Variants in BCAS3 observed in about 807,000 individuals in gnomAD.
BCAS3 encodes BCAS4/BCAS3 fusion.
BCAS3 carries 53 observed loss-of-function variants against 116.1 expected under a neutral mutation model. The ratio of observed to expected loss-of-function variants is 0.46; its 90% CI spans 0.37 to 0.57. BCAS3 has a LOEUF of 0.57. Among genes scored for constraint, BCAS3 ranks in the 20% least tolerant of loss-of-function variants. The pLI is 0.00. For missense variants in BCAS3, 917 were observed against 1,165.4 expected, an observed-to-expected ratio of 0.79 and a Z score of 3.10; for synonymous variants, 391 against 408.2, an observed-to-expected ratio of 0.96 and a Z score of 0.51.
intron 22 of BCAS3, among the ~76,000 whole-genome samples, chr17:61,297,397 ATTGGC>A (rs764534394): frequency 5.8e-4 from 88 of 152,208 alleles, no homozygotes; most frequent in Middle Eastern, 6.8e-3. Context: ...CTTTTTCTTT[ATTGGC>A]TTAGACTGTC....
At chr17:61,047,861 G>T (rs1244298478) in intron 19 of BCAS3, among the ~76,000 whole-genome samples, 11 of 152,160 alleles carry the variant, frequency 7.2e-5, no homozygotes, top group Admixed American at 2.6e-4. Context: ...GGCAGCAACA[G>T]TGTTTTTAAG....
rs1317225701 is a variant in BCAS3, at chr17:61,229,820, T to C, written c.2426-138507T>C. Among the ~76,000 whole-genome samples the C allele has an allele frequency of 6.6e-6, 1 of 152,184 alleles. No individual in the cohort carries two copies. The highest frequency in any genetic ancestry group is 2.4e-5 in the African/African-American group (1 of 41,454). On this transcript the variant is annotated intron_variant, in intron 22 of 23. Coordinates refer to ENST00000407086, the MANE Select transcript of BCAS3 (RefSeq NM_017679.5). The surrounding 1 kb of genome is among the most constrained non-coding windows in gnomAD (Gnocchi z 4.4). ...AAATTCTCCTGAAGCTAGGCTTTTA[T>C]CTTCGAATTATAAGATAGTGTTGGC...
chr17:61,251,247 G>A lies in BCAS3; in HGVS notation c.2426-117080G>A, dbSNP rs2048346649. On this transcript the variant is annotated intron_variant, in intron 22 of 23. Coordinates refer to ENST00000407086, the MANE Select transcript of BCAS3 (RefSeq NM_017679.5). The surrounding 1 kb of genome is among the most constrained non-coding windows in gnomAD (Gnocchi z 4.7). The stretch of plus-strand genomic sequence containing the variant: ...TGGAGAGTCTGTTAACTCAAGGCCT[G>A]ATTCTAATGAATTTGGGATTCCTTG... 6.6e-6 allele frequency among the ~76,000 whole-genome samples: 1 copy of A among 152,184 alleles called. No individual in the cohort carries two copies. The highest frequency in any genetic ancestry group is 6.6e-5 in the Admixed American group (1 of 15,266).
chr17:60,707,247 C>A (rs1180987584), intron 4 of BCAS3, among the ~76,000 whole-genome samples: 1 of 151,938 alleles, frequency 6.6e-6, no homozygotes, highest in Non-Finnish European at 1.5e-5. Flanking sequence ...CCTGTCTCCG[C>A]CTCCCAAAGT....
chr17:61,166,736 C>A (rs916069501), intron 22 of BCAS3, among the ~76,000 whole-genome samples: 1 of 152,024 alleles, frequency 6.6e-6, no homozygotes, highest in Non-Finnish European at 1.5e-5. Context: ...TTTTTAGAGA[C>A]ATCATCTCAC....
rs1005469799 is a variant in BCAS3 at position 61,307,456 on chromosome 17, C to T, written c.2426-60871C>T. 9.9e-5 allele frequency among the ~76,000 whole-genome samples: 15 copies of T among 152,182 alleles called. No individual in the cohort carries two copies. The highest frequency in any genetic ancestry group is 3.4e-4 in the African/African-American group (14 of 41,442). On this transcript the variant is annotated intron_variant, in intron 22 of 23. Transcript: ENST00000407086. This position sits in a 1 kb window ranked among gnomAD's most constrained non-coding sequence, Gnocchi z 4.7. ...CCCATTGCATTTACTACAGTTACAACGATAATAAATGTTGAATTAACTTTC... is the reference window on the plus strand; with the variant it reads ...CCCATTGCATTTACTACAGTTACAATGATAATAAATGTTGAATTAACTTTC...
chr17:60,876,644 G>A (rs2055634213), intron 9 of BCAS3, among the ~76,000 whole-genome samples: 1 of 152,044 alleles, frequency 6.6e-6, no homozygotes, highest in South Asian at 2.1e-4. Flanking sequence ...AAATTTATTT[G>A]ATACATTTCT....
At chr17:61,358,989 TCTC>T (rs950702316) in intron 22 of BCAS3, among the ~76,000 whole-genome samples, 3 of 152,112 alleles carry the variant, frequency 2.0e-5, no homozygotes, top group Non-Finnish European at 4.4e-5. Context: ...AGAGGTTGCT[TCTC>T]CTACTCTCCT....
intron 14 of BCAS3, among the ~76,000 whole-genome samples, chr17:60,988,041 T>G (rs1000116709): frequency 6.6e-6 from 1 of 152,148 alleles, no homozygotes; most frequent in African/African-American, 2.4e-5. Context: ...TGAAGTAATG[T>G]TGAATTTTTA....
At chr17:60,819,444 T>C (rs989592871) in intron 7 of BCAS3, among the ~76,000 whole-genome samples, 1 of 152,258 alleles carries the variant, frequency 6.6e-6, no homozygotes, top group South Asian at 2.1e-4. Flanking sequence ...TGTGAGATTA[T>C]ATTTCAGACT....
chr17:60,843,433 GAT>G (rs2052169792), intron 7 of BCAS3, among the ~76,000 whole-genome samples: 2 of 152,044 alleles, frequency 1.3e-5, no homozygotes, highest in Non-Finnish European at 2.9e-5. Flanking sequence ...TGGTCAGGCT[GAT>G]CTCGAACTCC....
In BCAS3 at chr17:61,104,736, G is replaced by T. The variant is rs2074535339; in HGVS notation, c.2425+20172G>T. 6.6e-6 allele frequency among the ~76,000 whole-genome samples: 1 copy of T among 152,016 alleles called. No homozygotes were observed. The highest frequency in any genetic ancestry group is 1.5e-5 in the Non-Finnish European group (1 of 68,004). On this transcript the variant is annotated intron_variant, in intron 22 of 23. Coordinates refer to ENST00000407086, the MANE Select transcript of BCAS3 (RefSeq NM_017679.5). This position sits in a 1 kb window ranked among gnomAD's most constrained non-coding sequence, Gnocchi z 4.1. ...AGCTTTAAAGAAATGAAAAATATTT[G>T]CCCTCTCCATAAAAAAAATGCTTAC... is the stretch of plus-strand genomic sequence containing the variant.
intron 22 of BCAS3, among the ~76,000 whole-genome samples, chr17:61,272,476 T>C (rs2050366372): frequency 6.6e-6 from 1 of 150,556 alleles, no homozygotes; most frequent in African/African-American, 2.4e-5. Context: ...CTACAAAAAA[T>C]ACAAAAATTA....
intron 15 of BCAS3, among the ~76,000 whole-genome samples, chr17:61,010,456 A>G (rs1027242316): frequency 6.6e-6 from 1 of 152,026 alleles, no homozygotes; most frequent in Non-Finnish European, 1.5e-5. Flanking sequence ...GGTAACAGGA[A>G]AAAAAGAGCA....
At position 61,323,618 on chromosome 17, in the gene BCAS3, G is replaced by A. The variant is rs1298335000; in HGVS notation, c.2426-44709G>A. On this transcript the variant is annotated intron_variant, in intron 22 of 23. Coordinates refer to ENST00000407086, the MANE Select transcript of BCAS3 (RefSeq NM_017679.5). The surrounding 1 kb of genome is among the most constrained non-coding windows in gnomAD (Gnocchi z 4.6). ...AAACTCGGGAGTGTGGAGGGGGTTG[G>A]TGAATTTGGGGAGAAATTGGTGACC... is the stretch of plus-strand genomic sequence containing the variant. Among the ~76,000 whole-genome samples the A allele has an allele frequency of 6.6e-6, 1 of 152,216 alleles. No homozygotes were observed. Among genetic ancestry groups the A allele is most frequent in the African/African-American group, 2.4e-5 (1 of 41,454 alleles).
intron 22 of BCAS3, among the ~76,000 whole-genome samples, chr17:61,311,953 C>T (rs781536155): frequency 3.3e-5 from 5 of 152,084 alleles, no homozygotes; most frequent in Non-Finnish European, 5.9e-5. Context: ...TGAAAAGATA[C>T]GTTTTTAAGT....
chr17:61,386,794 TTG>T (rs376994272), intron 23 of BCAS3, among the ~76,000 whole-genome samples: 2,150 of 117,996 alleles, frequency 0.018, 35 homozygotes, highest in East Asian at 0.098. Context: ...TTTTTGTTTT[TTG>T]TTTTTTTTTT....
intron 6 of BCAS3, among the ~76,000 whole-genome samples, chr17:60,792,376 G>T (rs547445721): frequency 6.6e-6 from 1 of 152,194 alleles, no homozygotes; most frequent in African/African-American, 2.4e-5. Flanking sequence ...AGCAGTGGGT[G>T]AACCCCCCGC....
intron 17 of BCAS3, among the ~76,000 whole-genome samples, chr17:61,035,018 G>GTTTTT (rs1314415297): frequency 1.3e-5 from 2 of 152,038 alleles, no homozygotes; most frequent in Admixed American, 1.3e-4. Flanking sequence ...GTTTTGTTTT[G>GTTTTT]TTGGTGACAA....
Sources: allele counts gnomAD v4.1 joint callset (sites outside exome capture counted in the v4.1 genomes callset), GRCh38; gene constraint gnomAD v4.1.1; non-coding constraint Gnocchi (gnomAD v3.1); transcripts MANE v1.5; gene names NCBI Gene and HGNC (gene_info 2026-07-23, HGNC 2026-07-21).